The following RBFOX1 variants were observed in gnomAD, a reference collection of about 807,000 sequenced individuals.
RBFOX1 encodes RNA binding fox-1 homolog 1.
A neutral mutation model predicts 57.7 loss-of-function variants in RBFOX1; 8 were observed. That is an observed-to-expected ratio of 0.14 (90% CI 0.08 to 0.25). The LOEUF (loss-of-function observed/expected upper bound fraction) is 0.25, where lower values mean the gene tolerates loss of function less well. Ranked by LOEUF, RBFOX1 falls within the 10% of genes least tolerant of loss-of-function variation. RBFOX1 has a pLI of 1.00. For missense variants in RBFOX1, 611 were observed against 548.5 expected (o/e 1.11, Z -1.14); for synonymous variants, 326 against 222.4 (o/e 1.47, Z -4.15).
At chr16:6,889,200 AC>A (rs2064848448) in intron 3 of RBFOX1, among the ~76,000 whole-genome samples, 1 of 152,108 alleles carries the variant, frequency 6.6e-6, no homozygotes, top group East Asian at 1.9e-4. Flanking sequence ...ATTGTGAGCC[AC>A]CCCTGTCTTT....
intron 3 of RBFOX1, among the ~76,000 whole-genome samples, chr16:6,863,314 G>A (rs941258146): frequency 1.3e-5 from 2 of 152,116 alleles, no homozygotes; most frequent in African/African-American, 4.8e-5. Flanking sequence ...AAATGGTCAA[G>A]ATGAATGGGT....
At chr16:6,811,773 C>T (rs1458436795) in intron 3 of RBFOX1, among the ~76,000 whole-genome samples, 1 of 152,140 alleles carries the variant, frequency 6.6e-6, no homozygotes, top group African/African-American at 2.4e-5. Flanking sequence ...CCTGTAATCC[C>T]AACTACTGGG....
At chr16:6,705,381 A>C (rs2062552269) in intron 3 of RBFOX1, 1 of 152,190 alleles carries the variant, frequency 6.6e-6, no homozygotes, top group Non-Finnish European at 1.5e-5. Flanking sequence ...TGTTTAGCTT[A>C]ATTGGGACAC....
chr16:6,379,710 C>G (rs933797830), intron 2 of RBFOX1, among the ~76,000 whole-genome samples: 5 of 151,594 alleles, frequency 3.3e-5, no homozygotes, highest in Middle Eastern at 3.2e-3. Flanking sequence ...TCTTGATGAC[C>G]CTGTAATCAT....
intron 3 of RBFOX1, among the ~76,000 whole-genome samples, chr16:6,898,522 G>A (rs538659518): frequency 3.3e-5 from 5 of 152,238 alleles, no homozygotes; most frequent in African/African-American, 7.2e-5. Context: ...GAAAAACAAA[G>A]TACAGACGCA....
chr16:5,505,163 C>G (rs2043337621), intron 2 of RBFOX1, among the ~76,000 whole-genome samples: 1 of 152,200 alleles, frequency 6.6e-6, no homozygotes, highest in Admixed American at 6.5e-5. Flanking sequence ...GCAATGAAAG[C>G]TTGACATTGT....
At chr16:6,586,463 C>T (rs189715576) in intron 2 of RBFOX1, among the ~76,000 whole-genome samples, 1 of 152,278 alleles carries the variant, frequency 6.6e-6, no homozygotes, top group African/African-American at 2.4e-5. Flanking sequence ...GAGATCTTTT[C>T]AGTGGCAGGT....
intron 3 of RBFOX1, among the ~76,000 whole-genome samples, chr16:6,890,033 C>G (rs78863325): frequency 0.019 from 2,830 of 152,230 alleles, 103 homozygotes; most frequent in African/African-American, 0.061. Flanking sequence ...ATAGTAGTGT[C>G]CCACTTATAC....
At chr16:7,361,413 C>T (rs117147833) in intron 4 of RBFOX1, among the ~76,000 whole-genome samples, 7 of 152,286 alleles carry the variant, frequency 4.6e-5, no homozygotes, top group East Asian at 3.9e-4. Flanking sequence ...AACGAGGCTG[C>T]GGCACTTCCC....
chr16:5,462,179 T>C (rs1232502065), intron 1 of RBFOX1, among the ~76,000 whole-genome samples: 1 of 148,742 alleles, frequency 6.7e-6, no homozygotes, highest in East Asian at 2.0e-4. Flanking sequence ...TTTTTTTTTT[T>C]TTTTTTTGAG....
chr16:6,141,932 G>A (rs949271025), intron 1 of RBFOX1, among the ~76,000 whole-genome samples: 3 of 151,708 alleles, frequency 2.0e-5, no homozygotes, highest in African/African-American at 7.3e-5. Context: ...GGTGGCTCAT[G>A]CCTGTAGTCC....
chr16:5,343,392 G>T (rs1488812831), intron 1 of RBFOX1, among the ~76,000 whole-genome samples: 1 of 141,626 alleles, frequency 7.1e-6, no homozygotes, highest in African/African-American at 2.6e-5. Context: ...TCAGCTCACT[G>T]CAAGCTCTAT....
chr16:7,539,574 C>G (rs1184639835), intron 5 of RBFOX1, among the ~76,000 whole-genome samples: 2 of 152,308 alleles, frequency 1.3e-5, no homozygotes, highest in Non-Finnish European at 2.9e-5. Context: ...CCCAAAGTAA[C>G]ATGCTTAAAT....
intron 11 of RBFOX1, among the ~76,000 whole-genome samples, chr16:7,636,926 A>G (rs1165064844): frequency 6.6e-6 from 1 of 152,078 alleles, no homozygotes; most frequent in Non-Finnish European, 1.5e-5. Flanking sequence ...CACCCTCAGG[A>G]CCTCATCTAA....
At chr16:6,832,589 C>T (rs536074172) in intron 3 of RBFOX1, among the ~76,000 whole-genome samples, 8 of 152,306 alleles carry the variant, frequency 5.3e-5, no homozygotes, top group East Asian at 3.9e-4. Flanking sequence ...CAGCCGCAGA[C>T]GGAAAGTGAA....
chr16:6,357,778 C>T (rs970713960), intron 2 of RBFOX1, among the ~76,000 whole-genome samples: 2 of 151,844 alleles, frequency 1.3e-5, no homozygotes, highest in African/African-American at 4.8e-5. Flanking sequence ...GTGAAACACC[C>T]TGTCTCTACT....
At chr16:6,093,257 T>A (rs2053689477) in intron 1 of RBFOX1, among the ~76,000 whole-genome samples, 1 of 152,098 alleles carries the variant, frequency 6.6e-6, no homozygotes, top group African/African-American at 2.4e-5. Flanking sequence ...ATGTTATTAT[T>A]CAATAAAGAA....
chr16:7,301,587 G>T (rs2096034579), intron 4 of RBFOX1, among the ~76,000 whole-genome samples: 1 of 152,042 alleles, frequency 6.6e-6, no homozygotes, highest in African/African-American at 2.4e-5. Context: ...GCATTTATTG[G>T]GTCTTTACAT....
intron 2 of RBFOX1, among the ~76,000 whole-genome samples, chr16:6,495,894 A>G (rs1050817647): frequency 6.6e-6 from 1 of 152,208 alleles, no homozygotes; most frequent in African/African-American, 2.4e-5. Flanking sequence ...GTAACAGAAT[A>G]TTGTTTGGCT....
Sources: gnomAD v4.1 joint callset for allele counts (sites outside exome capture counted in the v4.1 genomes callset) on GRCh38, gnomAD v4.1.1 for gene constraint, MANE v1.5 for transcripts, NCBI Gene and HGNC (gene_info 2026-07-23, HGNC 2026-07-21) for gene names.